GALNT17: variants seen among roughly 807,000 people sequenced by gnomAD.
GALNT17 encodes the protein UDP-GalNAc:polypeptide N-acetylgalactosaminyltransferase-like 3.
A neutral mutation model predicts 63.7 loss-of-function variants in GALNT17; 29 were observed. The ratio of observed to expected loss-of-function variants is 0.46; its 90% confidence interval spans 0.34 to 0.62. The LOEUF (loss-of-function observed/expected upper bound fraction) is 0.62, where lower values mean the gene tolerates loss of function less well. Ranked by LOEUF, GALNT17 falls within the 20% of genes least tolerant of loss-of-function variation. GALNT17 has a pLI of 0.01. For synonymous variants in GALNT17, 305 were observed against 318.3 expected, an observed-to-expected ratio of 0.96 and a Z score of 0.45; for missense variants, 603 against 799.6, an observed-to-expected ratio of 0.75 and a Z score of 2.97.
chr7:71,545,567 G>A (rs6965524), intron 5 of GALNT17, among the ~76,000 whole-genome samples: 15,705 of 152,198 alleles, frequency 0.1, 839 homozygotes, highest in South Asian at 0.17. Flanking sequence ...GGCTAGGCTA[G>A]TCTCAAACTC....
intron 2 of GALNT17, among the ~76,000 whole-genome samples, chr7:71,355,472 A>C (rs1287799804): frequency 6.6e-6 from 1 of 151,968 alleles, no homozygotes; most frequent in Non-Finnish European, 1.5e-5. Flanking sequence ...TGAAATTTGC[A>C]GATGGATAAC....
chr7:71,166,957 A>T (rs1380260197), intron 1 of GALNT17, among the ~76,000 whole-genome samples: 1 of 151,900 alleles, frequency 6.6e-6, no homozygotes. Context: ...TGGCGTGACC[A>T]TAGCTCACTG....
intron 1 of GALNT17, among the ~76,000 whole-genome samples, chr7:71,206,161 A>T (rs146968898): frequency 0.021 from 3,160 of 147,920 alleles, 61 homozygotes; most frequent in Non-Finnish European, 0.033. Flanking sequence ...TATATATATA[A>T]AATATATATA....
chr7:71,402,887 A>G (rs958759881), intron 3 of GALNT17, among the ~76,000 whole-genome samples: 1 of 152,164 alleles, frequency 6.6e-6, no homozygotes, highest in Admixed American at 6.5e-5. Context: ...GTTATCACAC[A>G]GCTCCATGCT....
intron 5 of GALNT17, among the ~76,000 whole-genome samples, chr7:71,551,607 T>C (rs1048118825): frequency 1.3e-5 from 2 of 151,886 alleles, no homozygotes; most frequent in Non-Finnish European, 2.9e-5. Context: ...TTAAAAAAAA[T>C]ACAAAAAGAA....
chr7:71,163,125 A>G (rs1788378120), intron 1 of GALNT17, among the ~76,000 whole-genome samples: 1 of 152,224 alleles, frequency 6.6e-6, no homozygotes, highest in Non-Finnish European at 1.5e-5. Context: ...GATATGAGGT[A>G]TAAGAGAAAG....
chr7:71,591,709 C>G (rs999271441), intron 6 of GALNT17, among the ~76,000 whole-genome samples: 1 of 152,164 alleles, frequency 6.6e-6, no homozygotes, highest in African/African-American at 2.4e-5. Context: ...GTTACCCAGG[C>G]TGGAGTGCAG....
intron 6 of GALNT17, among the ~76,000 whole-genome samples, chr7:71,650,256 T>C (rs1172148416): frequency 6.6e-6 from 1 of 152,230 alleles, no homozygotes; most frequent in Non-Finnish European, 1.5e-5. Flanking sequence ...ATGCTATTTA[T>C]TTATTTTGAG....
intron 6 of GALNT17, among the ~76,000 whole-genome samples, chr7:71,663,567 G>T (rs1195211441): frequency 2.0e-5 from 3 of 152,152 alleles, no homozygotes. Context: ...GATCAAAGAA[G>T]TCTGGAACAT....
At chr7:71,140,249 C>A (rs563687250) in intron 1 of GALNT17, among the ~76,000 whole-genome samples, 1 of 152,172 alleles carries the variant, frequency 6.6e-6, no homozygotes, top group Non-Finnish European at 1.5e-5. Context: ...ATTTGCTGCA[C>A]GCAGACATTC....
At chr7:71,377,114 A>AAAAAAATATATATATATATAT in intron 2 of GALNT17, among the ~76,000 whole-genome samples, 3 of 57,464 alleles carry the variant, frequency 5.2e-5, no homozygotes, top group East Asian at 4.6e-4. Context: ...AAATAAAAAA[A>AAAAAAATATATATATATATAT]ATATATATAT....
chr7:71,296,907 G>A (rs1002819031), intron 1 of GALNT17, among the ~76,000 whole-genome samples: 2 of 152,124 alleles, frequency 1.3e-5, no homozygotes, highest in African/African-American at 2.4e-5. Context: ...ATCATGGTGC[G>A]TGAACACGCC....
At chr7:71,498,972 A>C (rs1480907143) in intron 5 of GALNT17, among the ~76,000 whole-genome samples, 1 of 152,212 alleles carries the variant, frequency 6.6e-6, no homozygotes, top group Non-Finnish European at 1.5e-5. Flanking sequence ...GTTTTCTTTG[A>C]AATCTGCATT....
chr7:71,592,111 G>A (rs1392681604), intron 6 of GALNT17, among the ~76,000 whole-genome samples: 1 of 152,202 alleles, frequency 6.6e-6, no homozygotes, highest in Non-Finnish European at 1.5e-5. Context: ...GAACTGGGCA[G>A]TGGGAAGAGT....
At chr7:71,576,190 C>G (rs1254267627) in intron 6 of GALNT17, among the ~76,000 whole-genome samples, 1 of 152,194 alleles carries the variant, frequency 6.6e-6, no homozygotes, top group Non-Finnish European at 1.5e-5. Flanking sequence ...CTGCGTCCTG[C>G]TGGGGAGTCC....
At chr7:71,356,428 C>G (rs1427258752) in intron 2 of GALNT17, among the ~76,000 whole-genome samples, 1 of 152,114 alleles carries the variant, frequency 6.6e-6, no homozygotes, top group African/African-American at 2.4e-5. Flanking sequence ...GTTCTACAGG[C>G]TATACAAGCA....
At chr7:71,524,213 A>G (rs1316740658) in intron 5 of GALNT17, among the ~76,000 whole-genome samples, 5 of 147,962 alleles carry the variant, frequency 3.4e-5, no homozygotes, top group African/African-American at 1.2e-4. Flanking sequence ...ACTAGTTATT[A>G]ACTATTATTA....
chr7:71,536,825 A>G (rs1442066050), intron 5 of GALNT17, among the ~76,000 whole-genome samples: 1 of 152,232 alleles, frequency 6.6e-6, no homozygotes, highest in African/African-American at 2.4e-5. Context: ...TAAAAGGTTA[A>G]GTGATGGCAA....
intron 9 of GALNT17, among the ~76,000 whole-genome samples, chr7:71,710,520 A>G (rs1223872193): frequency 6.6e-6 from 1 of 152,164 alleles, no homozygotes; most frequent in Non-Finnish European, 1.5e-5. Flanking sequence ...AGAAAAAAGG[A>G]AAAAAGATCA....
Sources: gnomAD v4.1 joint callset for allele counts (sites outside exome capture counted in the v4.1 genomes callset) on GRCh38, gnomAD v4.1.1 for gene constraint, MANE v1.5 for transcripts, NCBI Gene and HGNC (gene_info 2026-07-23, HGNC 2026-07-21) for gene names.